Variants in DMXL1 observed in about 807,000 individuals in gnomAD.
The protein encoded by DMXL1 is dmX-like protein 1.
Under a neutral mutation model 319.2 loss-of-function variants are expected in DMXL1, and 99 were observed. The observed-to-expected ratio is 0.31, with a 90% CI of 0.26 to 0.37. DMXL1 has a LOEUF of 0.37. DMXL1 is among the 10% of genes least tolerant of loss of function. The pLI, the probability that DMXL1 is intolerant of heterozygous loss-of-function variation, is 1.00. For missense variants in DMXL1, 3,745 were observed against 3,595.6 expected (o/e 1.04, Z -1.06); for synonymous variants, 1,385 against 1,235.2 (o/e 1.12, Z -2.54).
chr5:119,121,003 G>T lies in DMXL1; in HGVS notation c.966G>T (p.Arg322Ser), dbSNP rs781475366. 6.2e-6 allele frequency: 10 copies of T among 1,612,650 alleles called. No homozygotes were observed. Among genetic ancestry groups the T allele is most frequent in the Non-Finnish European group, 8.5e-6 (10 of 1,179,658 alleles). Residue 322 changes from arginine (R) to serine (S), a missense_variant, in exon 9 of 44, where the codon AGG becomes AGT. Coordinates refer to ENST00000539542, the MANE Select transcript of DMXL1 (RefSeq NM_001290321.3). Reference sequence around the variant, plus strand: ...TGAGACATTTTCGTAGAGGTCGGAGGAGATCACTTGCTCTTGTAGCACATA... The same window carrying T: ...TGAGACATTTTCGTAGAGGTCGGAGTAGATCACTTGCTCTTGTAGCACATA... ...VNLRHFRRGR[R>S]RSLALVAHTG...
At chr5:119,090,855 G>A (rs1047613836) in intron 1 of DMXL1, among the ~76,000 whole-genome samples, 2 of 151,916 alleles carry the variant, frequency 1.3e-5, no homozygotes, top group Admixed American at 6.6e-5. Flanking sequence ...GTGAGCCACC[G>A]TGCCTGGCAG....
At chr5:119,147,672 A>C (rs2150129425) in intron 17 of DMXL1, 1 of 438,050 alleles carries the variant, frequency 2.3e-6, no homozygotes, top group Non-Finnish European at 4.0e-6. Flanking sequence ...TTCTAGTCTT[A>C]AATATTGATT....
chr5:119,152,241 T>G (rs536219683), intron 19 of DMXL1, among the ~76,000 whole-genome samples: 119 of 152,328 alleles, frequency 7.8e-4, no homozygotes, highest in African/African-American at 2.8e-3. Flanking sequence ...AAGGAGTTAA[T>G]GAAGAAACAT....
intron 21 of DMXL1, 80 bp downstream of exon 21, chr5:119,165,360 GTTGTTC>G (rs1211496647): frequency 4.2e-6 from 3 of 722,784 alleles, no homozygotes; most frequent in Non-Finnish European, 7.0e-6. Context: ...AGTAAGATTT[GTTGTTC>G]TTGTTGATGT....
rs758312462 is a variant in DMXL1 at position 119,173,776 on chromosome 5, G to GTATATATATATA, written c.6682-1474_6682-1463dup. Among the ~76,000 whole-genome samples the GTATATATATATA allele has an allele frequency of 5.3e-3, 356 of 67,154 alleles. 43 individuals carry two copies. Among genetic ancestry groups the GTATATATATATA allele is most frequent in the East Asian group, 0.044 (48 of 1,096 alleles). The allele number at this position is 67,154 out of a possible 152,430, so 44.1% of individuals were successfully genotyped here. On this transcript the variant is annotated intron_variant, in intron 25 of 43. Coordinates refer to ENST00000539542, the MANE Select transcript of DMXL1 (RefSeq NM_001290321.3). ...TGTGTATATATATATATGTGTGTGT[G>GTATATATATATA]TATATATATATATATATATATAATG...
chr5:119,199,883 A>C (rs1438262360), intron 32 of DMXL1, among the ~76,000 whole-genome samples: 1 of 152,082 alleles, frequency 6.6e-6, no homozygotes, highest in African/African-American at 2.4e-5. Flanking sequence ...TCTTGTGCAA[A>C]GTGTCTGTTC....
At chr5:119,153,816 G>A (rs946778922) in intron 19 of DMXL1, among the ~76,000 whole-genome samples, 1 of 152,152 alleles carries the variant, frequency 6.6e-6, no homozygotes, top group African/African-American at 2.4e-5. Context: ...GTTCTGCTAG[G>A]TTGCATTTTG....
chr5:119,152,593 C>T (rs978716004), intron 19 of DMXL1, among the ~76,000 whole-genome samples: 1 of 152,154 alleles, frequency 6.6e-6, no homozygotes, highest in Non-Finnish European at 1.5e-5. Context: ...TTTGAACTAT[C>T]TTAGACTTTG....
At chr5:119,203,889 C>T (rs890996407) in intron 33 of DMXL1, among the ~76,000 whole-genome samples, 1 of 152,088 alleles carries the variant, frequency 6.6e-6, no homozygotes, top group Admixed American at 6.5e-5. Flanking sequence ...GGTGCGATCT[C>T]AGCTTACTGC....
intron 34 of DMXL1, among the ~76,000 whole-genome samples, chr5:119,208,956 T>C (rs1561879227): frequency 6.6e-6 from 1 of 152,218 alleles, no homozygotes; most frequent in Admixed American, 6.5e-5. Flanking sequence ...AATAGAATCA[T>C]ATAATACATC....
At chr5:119,079,712 G>C (rs1751764772) in intron 1 of DMXL1, among the ~76,000 whole-genome samples, 1 of 149,116 alleles carries the variant, frequency 6.7e-6, no homozygotes, top group Non-Finnish European at 1.5e-5. Flanking sequence ...TTAGTCACTG[G>C]TAACCACATT....
At chr5:119,179,173 G>T (rs765463962) in intron 28 of DMXL1, among the ~76,000 whole-genome samples, 31 of 151,878 alleles carry the variant, frequency 2.0e-4, no homozygotes, top group East Asian at 7.7e-4. Context: ...TCATGTATTA[G>T]CCCATGTGTG....
intron 10 of DMXL1, among the ~76,000 whole-genome samples, chr5:119,129,941 A>T (rs1424155252): frequency 6.6e-6 from 1 of 152,200 alleles, no homozygotes; most frequent in East Asian, 1.9e-4. Context: ...TTACACTGTC[A>T]TTCAGCTGGC....
At chr5:119,072,187 G>GA (rs897261752) in intron 1 of DMXL1, among the ~76,000 whole-genome samples, 9 of 151,320 alleles carry the variant, frequency 5.9e-5, no homozygotes, top group Non-Finnish European at 8.9e-5. Context: ...ACTTCGGAAA[G>GA]AAAAAAAAGC....
At position 119,197,736 on chromosome 5, in the gene DMXL1, G is replaced by C; in HGVS notation, c.7544-19G>C. On this transcript the variant is annotated intron_variant, in intron 31 of 43. Transcript: ENST00000539542. ...ATTTTACTGCATAAGATTAATATGA[G>C]TCAATGTTCCCATTTTAGAGCTTCC... is the stretch of plus-strand genomic sequence containing the variant. 1 of 1,611,700 alleles carries C rather than the reference G, an allele frequency of 6.2e-7. No homozygotes were observed. Among genetic ancestry groups the C allele is most frequent in the Non-Finnish European group, 8.5e-7 (1 of 1,178,220 alleles).
chr5:119,140,084 A>G (rs1766967547), intron 13 of DMXL1, among the ~76,000 whole-genome samples: 1 of 152,250 alleles, frequency 6.6e-6, no homozygotes, highest in Admixed American at 6.5e-5. Context: ...GGGAATAAAG[A>G]TATAACATGC....
intron 23 of DMXL1, among the ~76,000 whole-genome samples, chr5:119,168,972 G>A (rs1774005425): frequency 6.6e-6 from 1 of 152,048 alleles, no homozygotes; most frequent in African/African-American, 2.4e-5. Context: ...GGCTATCTCA[G>A]CTCACTGCAG....
At chr5:119,244,972 G>T (rs928798338) in intron 43 of DMXL1, among the ~76,000 whole-genome samples, 22 of 152,100 alleles carry the variant, frequency 1.4e-4, no homozygotes, top group African/African-American at 5.1e-4. Context: ...TAGTCCCTCA[G>T]TGCCTAATTC....
chr5:119,079,841 C>T (rs891907049), intron 1 of DMXL1, among the ~76,000 whole-genome samples: 4 of 152,124 alleles, frequency 2.6e-5, no homozygotes, highest in Admixed American at 2.6e-4. Context: ...GCCCCCAACC[C>T]CACCCTCTTA....
Sources: allele counts gnomAD v4.1 joint callset (sites outside exome capture counted in the v4.1 genomes callset), GRCh38; gene constraint gnomAD v4.1.1; transcripts MANE v1.5; gene names NCBI Gene and HGNC (gene_info 2026-07-23, HGNC 2026-07-21).